The following PRKG2 variants were observed in gnomAD, a reference collection of about 807,000 sequenced individuals.
PRKG2 encodes the protein cGMP-dependent protein kinase 2.
PRKG2 carries 33 observed loss-of-function variants against 97.2 expected under a neutral mutation model. The ratio of observed to expected loss-of-function variants is 0.34; its 90% CI spans 0.26 to 0.45. The LOEUF is 0.45. Among genes scored for constraint, PRKG2 ranks in the 20% least tolerant of loss-of-function variants. The pLI is 1.00. For missense variants in PRKG2, 638 were observed against 900.0 expected, an observed-to-expected ratio of 0.71 and a Z score of 3.73; for synonymous variants, 330 against 321.8, an observed-to-expected ratio of 1.03 and a Z score of -0.27.
At chr4:81,184,126 C>A (rs578192202) in intron 2 of PRKG2, among the ~76,000 whole-genome samples, 45 of 152,318 alleles carry the variant, frequency 3.0e-4, no homozygotes, top group African/African-American at 9.4e-4. Context: ...TATCTCCCAG[C>A]ACAGAGCTCG....
intron 14 of PRKG2, among the ~76,000 whole-genome samples, chr4:81,133,336 G>A (rs1476950166): frequency 6.6e-6 from 1 of 152,056 alleles, no homozygotes; most frequent in Non-Finnish European, 1.5e-5. Flanking sequence ...TTTAATGTAT[G>A]TGATTCCTGG....
At chr4:81,210,172 G>C (rs1753893731) in intron 1 of PRKG2, among the ~76,000 whole-genome samples, 2 of 151,844 alleles carry the variant, frequency 1.3e-5, no homozygotes. Flanking sequence ...CTTGGGTTTT[G>C]TGATGACTTT....
At chr4:81,189,505 G>A (rs113608187) in intron 2 of PRKG2, among the ~76,000 whole-genome samples, 6 of 146,124 alleles carry the variant, frequency 4.1e-5, no homozygotes, top group African/African-American at 1.4e-4. Flanking sequence ...GTAAACTATC[G>A]CAAGAACAAA....
rs368532037 is a variant in PRKG2, at chr4:81,181,306, T to C, written c.462-6347A>G. Among the ~76,000 whole-genome samples, 16 of 152,014 alleles carry C rather than the reference T, an allele frequency of 1.1e-4. No individual in the cohort carries two copies. In the East Asian group the frequency reaches 2.1e-3, roughly 20 times the overall value. Reference sequence around the variant, plus strand: ...TTCTAAACAACCCATTGGTCAAAAATTAAGTTATAAGAAAAGCCAAATCAT... The same window carrying C: ...TTCTAAACAACCCATTGGTCAAAAACTAAGTTATAAGAAAAGCCAAATCAT... On this transcript the variant is annotated intron_variant, in intron 2 of 18. Coordinates refer to ENST00000264399, the MANE Select transcript of PRKG2 (RefSeq NM_006259.3).
chr4:81,207,848 C>T (rs1430437807), intron 1 of PRKG2, among the ~76,000 whole-genome samples: 1 of 152,044 alleles, frequency 6.6e-6, no homozygotes, highest in African/African-American at 2.4e-5. Flanking sequence ...TATTGCTGTC[C>T]CTGAAGCCAA....
chr4:81,149,702 T>G (rs1248646043), intron 8 of PRKG2, among the ~76,000 whole-genome samples: 1 of 152,160 alleles, frequency 6.6e-6, no homozygotes, highest in Non-Finnish European at 1.5e-5. Context: ...CTATTAGTTA[T>G]AAACTAAAAG....
At chr4:81,100,590 A>C (rs1742641268) in intron 17 of PRKG2, among the ~76,000 whole-genome samples, 1 of 152,234 alleles carries the variant, frequency 6.6e-6, no homozygotes, top group Non-Finnish European at 1.5e-5. Context: ...CTTAAACGTT[A>C]GACCTAGAAC....
In PRKG2 at chr4:81,142,909, G is replaced by C. The variant is rs537692247; in HGVS notation, c.1292C>G (p.Ser431Cys). ...MSNWKLSKALSLEMIQLKEKV... is the reference protein window; with the variant it reads ...MSNWKLSKALCLEMIQLKEKV... The stretch of plus-strand genomic sequence containing the variant: ...CTCCTTCAGCTGAATCATTTCCAGA[G>C]AGAGTGCTTTGGACAGCTTCCAGTT... Residue 431 changes from serine to cysteine, a missense_variant, in exon 11 of 19, where the codon TCT becomes TGT. Ser to Cys is a moderately radical substitution (Grantham distance 112, BLOSUM62 -1). Transcript: ENST00000264399. 5 of 1,613,386 alleles carry C rather than the reference G, an allele frequency of 3.1e-6. No individual in the cohort carries two copies. Among genetic ancestry groups the C allele is most frequent in the Non-Finnish European group, 4.2e-6 (5 of 1,179,504 alleles).
intron 2 of PRKG2, among the ~76,000 whole-genome samples, chr4:81,175,843 T>C (rs982225096): frequency 2.0e-5 from 3 of 152,182 alleles, no homozygotes; most frequent in Non-Finnish European, 4.4e-5. Context: ...CATATGTAGA[T>C]ATCATAAAAT....
chr4:81,184,091 C>A (rs966004923), intron 2 of PRKG2, among the ~76,000 whole-genome samples: 1 of 152,194 alleles, frequency 6.6e-6, no homozygotes, highest in Non-Finnish European at 1.5e-5. Flanking sequence ...AATGATCCTG[C>A]CTGCTGGCTC....
intron 2 of PRKG2, among the ~76,000 whole-genome samples, chr4:81,197,853 T>C (rs370552543): frequency 2.6e-5 from 4 of 152,288 alleles, no homozygotes; most frequent in South Asian, 4.1e-4. Context: ...TATTAAAGAA[T>C]TGGATTCATT....
chr4:81,144,443 T>G, intron 9 of PRKG2, 113 bp from the exon 10 acceptor site: 1 of 757,504 alleles, frequency 1.3e-6, no homozygotes, highest in Non-Finnish European at 2.1e-6. Context: ...ATAAATCATT[T>G]TTTAAATAAT....
intron 14 of PRKG2, among the ~76,000 whole-genome samples, chr4:81,131,721 GT>G (rs1272637789): frequency 6.6e-6 from 1 of 152,052 alleles, no homozygotes; most frequent in Non-Finnish European, 1.5e-5. Context: ...ATATCCAGTT[GT>G]TTCAGCAATG....
chr4:81,113,539 A>T (rs937130110), intron 14 of PRKG2, among the ~76,000 whole-genome samples: 1 of 152,188 alleles, frequency 6.6e-6, no homozygotes, highest in Non-Finnish European at 1.5e-5. Context: ...TTTTAAAATG[A>T]TTCTAAATCT....
intron 14 of PRKG2, among the ~76,000 whole-genome samples, chr4:81,129,084 T>G (rs767327585): frequency 6.6e-6 from 1 of 152,234 alleles, no homozygotes; most frequent in African/African-American, 2.4e-5. Context: ...CCAGTAGTCA[T>G]TCAGGAGCAG....
intron 14 of PRKG2, among the ~76,000 whole-genome samples, chr4:81,116,985 C>CTGTTTTTTTTTTTTTT: frequency 1.3e-5 from 1 of 78,988 alleles, no homozygotes; most frequent in Non-Finnish European, 2.2e-5. Context: ...CCTGTTGTTA[C>CTGTTTTTTTTTTTTTT]TTTTTTTTTT....
At chr4:81,162,366 T>A (rs11722958) in intron 6 of PRKG2, among the ~76,000 whole-genome samples, 55,918 of 152,018 alleles carry the variant, frequency 0.37, 15,136 homozygotes, top group African/African-American at 0.74. Flanking sequence ...TCTAAAATAA[T>A]CTGAGTGGAA....
intron 7 of PRKG2, among the ~76,000 whole-genome samples, chr4:81,153,173 G>A (rs531473802): frequency 6.6e-6 from 1 of 152,312 alleles, no homozygotes; most frequent in South Asian, 2.1e-4. Context: ...CACTTGAGCT[G>A]TTTTGTATCA....
At chr4:81,096,339 T>C (rs1742113130) in intron 17 of PRKG2, among the ~76,000 whole-genome samples, 1 of 151,966 alleles carries the variant, frequency 6.6e-6, no homozygotes. Flanking sequence ...GCCAGGAGTT[T>C]GGGTAACATG....
Sources: allele counts gnomAD v4.1 joint callset (sites outside exome capture counted in the v4.1 genomes callset), GRCh38; gene constraint gnomAD v4.1.1; transcripts MANE v1.5; gene names NCBI Gene and HGNC (gene_info 2026-07-23, HGNC 2026-07-21).